EIF4E: variants seen among roughly 807,000 people sequenced by gnomAD.
The protein encoded by EIF4E is eIF-4F 25 kDa subunit.
For synonymous variants in EIF4E, 71 were observed against 88.5 expected (o/e 0.80, Z 1.11); for missense variants, 113 against 265.6 (o/e 0.43, Z 3.99).
chr4:98,893,969 G>A (rs996207489), intron 2 of EIF4E, among the ~76,000 whole-genome samples: 22 of 152,338 alleles, frequency 1.4e-4, no homozygotes, highest in African/African-American at 4.8e-4. Context: ...ATACGCTGCA[G>A]AAAGTACACT....
intron 1 of EIF4E, chr4:98,926,560 T>C (rs964687049): frequency 2.0e-5 from 3 of 152,062 alleles, no homozygotes; most frequent in Admixed American, 6.6e-5. Flanking sequence ...AAAAAATTCA[T>C]TTCTCACTAA....
chr4:98,893,554 CT>C (rs1560638150), intron 2 of EIF4E, among the ~76,000 whole-genome samples: 2 of 152,170 alleles, frequency 1.3e-5, no homozygotes, highest in African/African-American at 4.8e-5. Context: ...CTCAAGAAAC[CT>C]TTTTTTCTGC....
intron 1 of EIF4E, among the ~76,000 whole-genome samples, chr4:98,911,046 G>A (rs553799438): frequency 3.3e-4 from 50 of 149,266 alleles, no homozygotes; most frequent in African/African-American, 1.2e-3. Flanking sequence ...AAACTTGGAT[G>A]AATCCTTTTT....
Position 98,881,145 on chromosome 4 carries a change from A to G in EIF4E, c.540-3T>C. ...CTAACCTTTCCTTGTATACCCTCCT[A>G]GAAGAAAAAAAAAAAGAAGAAGAAA... is the stretch of plus-strand genomic sequence containing the variant. On this transcript the variant is annotated splice_polypyrimidine_tract_variant and splice_region_variant and intron_variant, in intron 6 of 6. Transcript: ENST00000450253. 1 of 1,606,850 alleles carries G rather than the reference A, an allele frequency of 6.2e-7. No individual in the cohort carries two copies. The highest frequency in any genetic ancestry group is 1.1e-5 in the South Asian group (1 of 89,828).
intron 1 of EIF4E, among the ~76,000 whole-genome samples, chr4:98,905,488 G>C (rs1724834509): frequency 6.6e-6 from 1 of 152,150 alleles, no homozygotes; most frequent in Non-Finnish European, 1.5e-5. Context: ...GGCTGAAAGA[G>C]AGGGTTCATG....
In EIF4E at chr4:98,929,129, C is replaced by G. The variant is rs1428703443; in HGVS notation, c.-17G>C. The G allele has an allele frequency of 2.6e-6, 4 of 1,564,324 alleles. No individual in the cohort carries two copies. The highest frequency in any genetic ancestry group is 2.3e-5 in the South Asian group (2 of 85,158). ...AGTCGCCATCTTAGATCGATCTGATCGCACAACCGCTCCAGAAGGGGGGGT... is the reference window on the plus strand; with the variant it reads ...AGTCGCCATCTTAGATCGATCTGATGGCACAACCGCTCCAGAAGGGGGGGT... On this transcript the variant is annotated 5_prime_UTR_variant, in exon 1 of 7. Coordinates refer to ENST00000450253, the MANE Select transcript of EIF4E (RefSeq NM_001968.5).
intron 5 of EIF4E, chr4:98,886,223 C>T (rs886631370): frequency 5.2e-5 from 10 of 192,434 alleles, no homozygotes; most frequent in South Asian, 3.1e-4. Flanking sequence ...AAACCAGGCA[C>T]GGTTTCAAGT....
In EIF4E at chr4:98,887,785, T is replaced by C. The variant is rs1425437218; in HGVS notation, c.285+104A>G. ...TACAGCCAATTAAATTATCAGCCTA[T>C]TCATCACACTATCAAATATTCCTAA... On this transcript the variant is annotated intron_variant, in intron 4 of 6. Transcript: ENST00000450253. This position sits in a 1 kb window ranked among gnomAD's most constrained non-coding sequence, Gnocchi z 4.0. 1.0e-5 allele frequency: 10 copies of C among 966,750 alleles called. No individual in the cohort carries two copies. The highest frequency in any genetic ancestry group is 1.6e-5 in the Non-Finnish European group (10 of 617,250). The allele number at this position is 966,750 out of a possible 1,614,324, so 59.9% of individuals were successfully genotyped here. A position where few individuals can be genotyped will look rare whatever the true frequency, so the allele number is the denominator to read the frequency against.
chr4:98,888,404 A>G (rs1411230402), intron 3 of EIF4E, among the ~76,000 whole-genome samples: 1 of 152,210 alleles, frequency 6.6e-6, no homozygotes, highest in East Asian at 1.9e-4. Flanking sequence ...AACAGTCATT[A>G]TCCTTGAAGG....
In EIF4E at chr4:98,887,215, T is replaced by C; in HGVS notation, c.286-23A>G. ...ATCCTACAGGGTTAGAAGACAACAG[T>C]ATTACACAACATTGTTACCTTGACT... On this transcript the variant is annotated intron_variant, in intron 4 of 6. Coordinates refer to ENST00000450253, the MANE Select transcript of EIF4E (RefSeq NM_001968.5). This position sits in a 1 kb window ranked among gnomAD's most constrained non-coding sequence, Gnocchi z 4.0. The C allele has an allele frequency of 6.2e-7, 1 of 1,605,540 alleles. No homozygotes were observed. Among genetic ancestry groups the C allele is most frequent in the Non-Finnish European group, 8.5e-7 (1 of 1,172,266 alleles).
At chr4:98,882,177 G>T (rs1366558066) in intron 6 of EIF4E, among the ~76,000 whole-genome samples, 1 of 151,776 alleles carries the variant, frequency 6.6e-6, no homozygotes, top group African/African-American at 2.4e-5. Flanking sequence ...CGGATCACGA[G>T]GTCAGGAGAT....
intron 6 of EIF4E, among the ~76,000 whole-genome samples, chr4:98,882,467 T>A (rs1579145359): frequency 7.0e-6 from 1 of 142,086 alleles, no homozygotes. Context: ...TAAGCAAAAA[T>A]CAAATAAAAA....
intron 1 of EIF4E, among the ~76,000 whole-genome samples, chr4:98,916,534 T>C (rs115856663): frequency 0.023 from 3,531 of 152,152 alleles, 119 homozygotes; most frequent in African/African-American, 0.081. Flanking sequence ...CACAGTACAA[T>C]GGATGAAAAC....
intron 2 of EIF4E, among the ~76,000 whole-genome samples, chr4:98,893,147 T>TA (rs35147490): frequency 1.2e-4 from 18 of 151,168 alleles, no homozygotes; most frequent in African/African-American, 2.9e-4. Flanking sequence ...GCATTACATC[T>TA]AAAAAAAAAT....
intron 6 of EIF4E, among the ~76,000 whole-genome samples, chr4:98,883,080 G>C (rs1162830570): frequency 6.6e-6 from 1 of 152,098 alleles, no homozygotes; most frequent in African/African-American, 2.4e-5. Context: ...GAGGCTAGGA[G>C]TTTGACACCA....
At position 98,905,231 on chromosome 4, in the gene EIF4E, T is replaced by TA. The variant is rs72074867; in HGVS notation, c.19-3250dup. Among the ~76,000 whole-genome samples the TA allele has an allele frequency of 3.5e-3, 495 of 140,532 alleles. 2 individuals carry two copies. Among genetic ancestry groups the TA allele is most frequent in the African/African-American group, 6.7e-3 (259 of 38,846 alleles). The allele number at this position is 140,532 out of a possible 152,430, so 92.2% of individuals were successfully genotyped here. The stretch of plus-strand genomic sequence containing the variant: ...CGATCTCAGGTTCTATCAGGGAATT[T>TA]AAAAAAAAAAAAAAGGAAAAAAAAT... On this transcript the variant is annotated intron_variant, in intron 1 of 6. Transcript: ENST00000450253.
intron 2 of EIF4E, among the ~76,000 whole-genome samples, chr4:98,892,407 G>A (rs916042093): frequency 2.6e-5 from 4 of 151,336 alleles, no homozygotes; most frequent in Admixed American, 6.6e-5. Context: ...GGCCAGGCGC[G>A]GTGGCTCAAG....
intron 2 of EIF4E, among the ~76,000 whole-genome samples, chr4:98,901,200 C>CT (rs559776648): frequency 0.084 from 11,983 of 142,796 alleles, 1,098 homozygotes; most frequent in East Asian, 0.49. Context: ...ACCACTGTCT[C>CT]TTTTTTTTTT....
chr4:98,881,990 A>G (rs1042251135), intron 6 of EIF4E, among the ~76,000 whole-genome samples: 2 of 152,236 alleles, frequency 1.3e-5, no homozygotes, highest in Non-Finnish European at 2.9e-5. Context: ...GAAAGCTGAG[A>G]AATAAAAATT....
Sources: allele counts gnomAD v4.1 joint callset (sites outside exome capture counted in the v4.1 genomes callset), GRCh38; gene constraint gnomAD v4.1.1; non-coding constraint Gnocchi (gnomAD v3.1); transcripts MANE v1.5; gene names NCBI Gene and HGNC (gene_info 2026-07-23, HGNC 2026-07-21).